Variants in BMPR1B observed in about 807,000 individuals in gnomAD.
BMPR1B encodes bone morphogenetic protein receptor type-1B.
A neutral mutation model predicts 59.1 loss-of-function variants in BMPR1B; 12 were observed. The ratio of observed to expected loss-of-function variants is 0.20; its 90% CI spans 0.13 to 0.33. The LOEUF (loss-of-function observed/expected upper bound fraction) is 0.33, where lower values mean the gene tolerates loss of function less well. Ranked by LOEUF, BMPR1B falls within the 10% of genes least tolerant of loss-of-function variation. The pLI, the probability that BMPR1B is intolerant of heterozygous loss-of-function variation, is 1.00. For missense variants in BMPR1B, 550 were observed against 610.9 expected, an observed-to-expected ratio of 0.90 and a Z score of 1.05; for synonymous variants, 237 against 207.3, an observed-to-expected ratio of 1.14 and a Z score of -1.23.
At chr4:94,821,451 TA>T (rs1724205503) in intron 1 of BMPR1B, among the ~76,000 whole-genome samples, 1 of 151,948 alleles carries the variant, frequency 6.6e-6, no homozygotes. Context: ...ATTCTATAAA[TA>T]TTTTTTAAAA....
At chr4:94,890,212 A>G (rs2148989174) in intron 2 of BMPR1B, among the ~76,000 whole-genome samples, 1 of 152,204 alleles carries the variant, frequency 6.6e-6, no homozygotes, top group South Asian at 2.1e-4. Context: ...GGACCTGAGA[A>G]GTGACACATG....
At chr4:94,883,529 T>C (rs1727059571) in intron 2 of BMPR1B, among the ~76,000 whole-genome samples, 1 of 152,120 alleles carries the variant, frequency 6.6e-6, no homozygotes, top group South Asian at 2.1e-4. Context: ...AGGTTGTTTA[T>C]GTAAAAAAAT....
intron 1 of BMPR1B, among the ~76,000 whole-genome samples, chr4:94,810,642 A>G (rs1723775851): frequency 6.6e-6 from 1 of 152,230 alleles, no homozygotes; most frequent in Admixed American, 6.5e-5. Flanking sequence ...ATGAAAAAGT[A>G]TGGTCTCAAA....
At chr4:94,774,049 A>G (rs1309257591) in intron 1 of BMPR1B, among the ~76,000 whole-genome samples, 1 of 151,916 alleles carries the variant, frequency 6.6e-6, no homozygotes, top group Admixed American at 6.6e-5. Context: ...TTAAGACACT[A>G]TATTTTCATA....
intron 3 of BMPR1B, among the ~76,000 whole-genome samples, chr4:95,070,311 A>T (rs1473226360): frequency 6.6e-6 from 1 of 152,160 alleles, no homozygotes; most frequent in Non-Finnish European, 1.5e-5. Flanking sequence ...AATATGGAAG[A>T]TTAAAATGAT....
intron 3 of BMPR1B, among the ~76,000 whole-genome samples, chr4:95,061,754 G>A (rs1240443236): frequency 6.6e-6 from 1 of 152,120 alleles, no homozygotes; most frequent in Non-Finnish European, 1.5e-5. Flanking sequence ...TTGTTGTTTA[G>A]GCTGTATGTT....
chr4:95,104,591 G>C, intron 4 of BMPR1B, 24 bp downstream of exon 4: 1 of 1,612,776 alleles, frequency 6.2e-7, no homozygotes, highest in South Asian at 1.1e-5. Flanking sequence ...ATGATTTAAA[G>C]CTAGCTTTAA....
intron 3 of BMPR1B, among the ~76,000 whole-genome samples, chr4:95,051,023 A>G (rs1726461708): frequency 6.6e-6 from 1 of 152,248 alleles, no homozygotes. Context: ...AACAGCTCTT[A>G]AAACTATAGT....
intron 1 of BMPR1B, among the ~76,000 whole-genome samples, chr4:94,818,065 C>T (rs1008344548): frequency 6.6e-6 from 1 of 152,110 alleles, no homozygotes; most frequent in Non-Finnish European, 1.5e-5. Flanking sequence ...CCATTGTTAA[C>T]CCAGGTTTGA....
intron 2 of BMPR1B, among the ~76,000 whole-genome samples, chr4:94,971,962 A>G (rs1445006562): frequency 6.6e-6 from 1 of 151,812 alleles, no homozygotes; most frequent in African/African-American, 2.4e-5. Flanking sequence ...TTTAATTTTG[A>G]CATTACATTG....
chr4:94,831,248 A>C lies in BMPR1B; in HGVS notation c.-182-44583A>C, dbSNP rs558683914. Among the ~76,000 whole-genome samples, 27 of 152,032 alleles carry C rather than the reference A, an allele frequency of 1.8e-4. No individual in the cohort carries two copies. The South Asian group carries it at 3.9e-3, about 22-fold the overall frequency. ...GTTTAAAAAGTAAAAAAAAAAAAAA[A>C]AAACGTAGAAGAAAGCTTATAGAAT... On this transcript the variant is annotated intron_variant, in intron 1 of 12. Coordinates refer to ENST00000515059, the MANE Select transcript of BMPR1B (RefSeq NM_001203.3).
intron 4 of BMPR1B, among the ~76,000 whole-genome samples, chr4:95,111,428 C>T (rs1731626146): frequency 6.6e-6 from 1 of 151,988 alleles, no homozygotes; most frequent in South Asian, 2.1e-4. Context: ...ACCTTGTAAA[C>T]ACTATATTCA....
chr4:94,951,841 C>G (rs555470300), intron 2 of BMPR1B, among the ~76,000 whole-genome samples: 10 of 152,136 alleles, frequency 6.6e-5, no homozygotes, highest in African/African-American at 2.4e-4. Flanking sequence ...GGTACCAGCT[C>G]TTCTTTTTAC....
At chr4:94,803,447 C>T (rs1723483436) in intron 1 of BMPR1B, among the ~76,000 whole-genome samples, 1 of 152,118 alleles carries the variant, frequency 6.6e-6, no homozygotes, top group African/African-American at 2.4e-5. Flanking sequence ...AAATGGAGCT[C>T]CGGTGAGTAG....
intron 2 of BMPR1B, among the ~76,000 whole-genome samples, chr4:94,925,488 C>T (rs1728849528): frequency 6.6e-6 from 1 of 152,088 alleles, no homozygotes; most frequent in African/African-American, 2.4e-5. Flanking sequence ...ATACTGGCTT[C>T]CAAACCTTAG....
intron 10 of BMPR1B, among the ~76,000 whole-genome samples, chr4:95,145,882 A>G (rs1330465501): frequency 6.6e-6 from 1 of 152,238 alleles, no homozygotes; most frequent in Non-Finnish European, 1.5e-5. Flanking sequence ...ATCCTTCTAG[A>G]AATTGGTAAG....
intron 2 of BMPR1B, among the ~76,000 whole-genome samples, chr4:94,905,697 G>C (rs1728010541): frequency 6.6e-6 from 1 of 151,896 alleles, no homozygotes; most frequent in South Asian, 2.1e-4. Flanking sequence ...TGATACTCAG[G>C]ACGTCTCACA....
At chr4:94,844,342 T>A (rs6812504) in intron 1 of BMPR1B, among the ~76,000 whole-genome samples, 30 of 151,612 alleles carry the variant, frequency 2.0e-4, no homozygotes, top group South Asian at 1.9e-3. Flanking sequence ...AAACAGAAAC[T>A]AATCTTAAGG....
At position 95,157,724 on chromosome 4, in the gene BMPR1B, A is replaced by G. The variant is rs1272725565; in HGVS notation, c.*3051A>G. ...AAGATATTATGGATGATAAAGTACT[A>G]AATGAAACATAATATTTATTTATAA... On this transcript the variant is annotated 3_prime_UTR_variant, in exon 13 of 13. Transcript: ENST00000515059. The G allele has an allele frequency of 6.6e-6, 1 of 152,058 alleles. No individual in the cohort carries two copies. Among genetic ancestry groups the G allele is most frequent in the African/African-American group, 2.4e-5 (1 of 41,428 alleles). 9.4% of individuals were successfully genotyped at this position (152,058 alleles called of 1,614,324 possible).
Sources: gnomAD v4.1 joint callset for allele counts (sites outside exome capture counted in the v4.1 genomes callset) on GRCh38, gnomAD v4.1.1 for gene constraint, MANE v1.5 for transcripts, NCBI Gene and HGNC (gene_info 2026-07-23, HGNC 2026-07-21) for gene names.